HS3ST5: variants seen among roughly 807,000 people sequenced by gnomAD.
HS3ST5 encodes heparan sulfate glucosamine 3-O-sulfotransferase 5.
A neutral mutation model predicts 25.4 loss-of-function variants in HS3ST5; 10 were observed. The observed-to-expected ratio is 0.39, with a 90% CI of 0.24 to 0.67. HS3ST5 has a LOEUF of 0.67. Ranked by LOEUF, HS3ST5 falls within the 30% of genes least tolerant of loss-of-function variation. HS3ST5 has a pLI of 0.44. For missense variants in HS3ST5, 324 were observed against 420.7 expected, an observed-to-expected ratio of 0.77 and a Z score of 2.01; for synonymous variants, 170 against 162.4, an observed-to-expected ratio of 1.05 and a Z score of -0.36.
chr6:114,180,759 T>A (rs1407309460), intron 2 of HS3ST5, among the ~76,000 whole-genome samples: 1 of 152,212 alleles, frequency 6.6e-6, no homozygotes, highest in Non-Finnish European at 1.5e-5. Context: ...CACATCCTCA[T>A]GACTTCATTG....
intron 2 of HS3ST5, among the ~76,000 whole-genome samples, chr6:114,220,212 A>G (rs9400703): frequency 0.42 from 63,731 of 151,900 alleles, 14,494 homozygotes; most frequent in South Asian, 0.65. Flanking sequence ...TTTAGAATCC[A>G]TTTATAAGCA....
intron 3 of HS3ST5, among the ~76,000 whole-genome samples, chr6:114,069,611 C>T (rs1482342908): frequency 5.9e-5 from 9 of 151,336 alleles, no homozygotes; most frequent in African/African-American, 1.7e-4. Flanking sequence ...CTCTGCCTTC[C>T]GGGTTCAAGC....
intron 1 of HS3ST5, among the ~76,000 whole-genome samples, chr6:114,314,148 G>A (rs961266073): frequency 6.6e-6 from 1 of 152,080 alleles, no homozygotes; most frequent in South Asian, 2.1e-4. Flanking sequence ...GGCTGGTCTT[G>A]AACTCCTGGC....
chr6:114,172,047 A>G lies in HS3ST5; in HGVS notation c.-144-3585T>C, dbSNP rs72952568. The stretch of plus-strand genomic sequence containing the variant: ...AGATTTGTTCCCATCATTCTCTAAC[A>G]TTAGCTCAAAACTTTGCACAATCTC... On this transcript the variant is annotated intron_variant, in intron 2 of 4. Coordinates refer to ENST00000312719, the MANE Select transcript of HS3ST5 (RefSeq NM_153612.4). 9.8e-3 allele frequency among the ~76,000 whole-genome samples: 1,493 copies of G among 152,254 alleles called. 9 individuals carry two copies. The highest frequency in any genetic ancestry group is 0.016 in the Non-Finnish European group (1,078 of 68,022).
At chr6:114,135,689 TTTC>T (rs1312783008) in intron 3 of HS3ST5, among the ~76,000 whole-genome samples, 1 of 152,246 alleles carries the variant, frequency 6.6e-6, no homozygotes, top group Non-Finnish European at 1.5e-5. Context: ...TCAAGATTAA[TTTC>T]TTCTTCCCGT....
In HS3ST5 at chr6:114,130,811, C is replaced by T. The variant is rs139783415; in HGVS notation, c.-33+37540G>A. On this transcript the variant is annotated intron_variant, in intron 3 of 4. Coordinates refer to ENST00000312719, the MANE Select transcript of HS3ST5 (RefSeq NM_153612.4). ...GTCTCGATCTCCTGACCATGTGATC[C>T]GCCCACCTTGGCCTCCCAAAGTGCT... is the stretch of plus-strand genomic sequence containing the variant. Among the ~76,000 whole-genome samples, 99 of 152,220 alleles carry T rather than the reference C, an allele frequency of 6.5e-4. 1 individual carries two copies. Among genetic ancestry groups the T allele is most frequent in the East Asian group, 4.4e-3 (23 of 5,176 alleles).
chr6:114,204,176 C>G (rs1322971851), intron 2 of HS3ST5, among the ~76,000 whole-genome samples: 1 of 152,084 alleles, frequency 6.6e-6, no homozygotes, highest in Non-Finnish European at 1.5e-5. Flanking sequence ...CTTGGTCTTA[C>G]AGGGAAGGGA....
At chr6:114,280,135 G>A (rs934350546) in intron 1 of HS3ST5, among the ~76,000 whole-genome samples, 1 of 151,836 alleles carries the variant, frequency 6.6e-6, no homozygotes, top group Admixed American at 6.6e-5. Flanking sequence ...ATGTGTGAGA[G>A]AGTGGGGGAT....
intron 3 of HS3ST5, among the ~76,000 whole-genome samples, chr6:114,111,373 C>T (rs1411340272): frequency 1.3e-5 from 2 of 152,072 alleles, no homozygotes; most frequent in East Asian, 3.9e-4. Flanking sequence ...CTAAATGTTC[C>T]CTAGGTGCCA....
chr6:114,203,625 G>C (rs1781130770), intron 2 of HS3ST5, among the ~76,000 whole-genome samples: 1 of 152,086 alleles, frequency 6.6e-6, no homozygotes, highest in Non-Finnish European at 1.5e-5. Context: ...TCATACCAAG[G>C]AATGAAGTCA....
chr6:114,259,944 C>T (rs1773094421), intron 1 of HS3ST5, among the ~76,000 whole-genome samples: 2 of 152,186 alleles, frequency 1.3e-5, no homozygotes, highest in Admixed American at 1.3e-4. Context: ...TTCTATTTAA[C>T]TTATGCTATG....
intron 3 of HS3ST5, among the ~76,000 whole-genome samples, chr6:114,109,272 G>A (rs72952528): frequency 6.6e-6 from 1 of 150,380 alleles, no homozygotes. Flanking sequence ...ATGTGTGTGT[G>A]TATATATATA....
chr6:114,071,083 C>T, intron 3 of HS3ST5, among the ~76,000 whole-genome samples: 1 of 152,204 alleles, frequency 6.6e-6, no homozygotes, highest in East Asian at 1.9e-4. Flanking sequence ...CTACCCAAGG[C>T]CTACATATGC....
chr6:114,248,227 T>A (rs1053284271), intron 1 of HS3ST5, among the ~76,000 whole-genome samples: 2 of 146,600 alleles, frequency 1.4e-5, no homozygotes, highest in African/African-American at 5.0e-5. Context: ...AATATATATA[T>A]ATATATATAT....
At chr6:114,272,407 A>C (rs1382757698) in intron 1 of HS3ST5, among the ~76,000 whole-genome samples, 1 of 152,136 alleles carries the variant, frequency 6.6e-6, no homozygotes, top group Non-Finnish European at 1.5e-5. Context: ...TTGAAAGATT[A>C]TCTCCCCTTC....
chr6:114,145,329 T>G (rs1778104831), intron 3 of HS3ST5, among the ~76,000 whole-genome samples: 2 of 152,232 alleles, frequency 1.3e-5, no homozygotes, highest in South Asian at 4.1e-4. Context: ...GTTTCTTTAT[T>G]GTGAAAGATT....
At chr6:114,101,583 G>A (rs1775733016) in intron 3 of HS3ST5, among the ~76,000 whole-genome samples, 1 of 152,120 alleles carries the variant, frequency 6.6e-6, no homozygotes, top group Non-Finnish European at 1.5e-5. Flanking sequence ...AAAAGGGAGT[G>A]CTTATATACT....
intron 3 of HS3ST5, among the ~76,000 whole-genome samples, chr6:114,064,128 A>G (rs989867428): frequency 6.6e-6 from 1 of 152,206 alleles, no homozygotes; most frequent in Admixed American, 6.5e-5. Context: ...CCAAGAAGGA[A>G]GCTATATAGA....
intron 2 of HS3ST5, among the ~76,000 whole-genome samples, chr6:114,185,514 A>T (rs183848396): frequency 1.3e-5 from 2 of 152,302 alleles, no homozygotes; most frequent in East Asian, 3.9e-4. Flanking sequence ...TGGTACAGTC[A>T]TACCTTGCTT....
Sources: gnomAD v4.1 joint callset for allele counts (sites outside exome capture counted in the v4.1 genomes callset) on GRCh38, gnomAD v4.1.1 for gene constraint, MANE v1.5 for transcripts, NCBI Gene and HGNC (gene_info 2026-07-23, HGNC 2026-07-21) for gene names.